Variants in FAM81A observed in about 807,000 individuals in gnomAD.
The protein encoded by FAM81A is family with sequence similarity 81 member A, also known as protein FAM81A.
A neutral mutation model predicts 46.7 loss-of-function variants in FAM81A; 19 were observed. The observed-to-expected ratio is 0.41, with a 90% confidence interval of 0.28 to 0.60. The LOEUF (loss-of-function observed/expected upper bound fraction) is 0.60, where lower values mean the gene tolerates loss of function less well. Among genes scored for constraint, FAM81A ranks in the 20% least tolerant of loss-of-function variants. FAM81A has a pLI of 0.34. For missense variants in FAM81A, 377 were observed against 453.5 expected (o/e 0.83, Z 1.53); for synonymous variants, 183 against 152.9 (o/e 1.20, Z -1.45).
chr15:59,476,452 A>G (rs2081769603), intron 3 of FAM81A, among the ~76,000 whole-genome samples: 1 of 152,196 alleles, frequency 6.6e-6, no homozygotes, highest in Non-Finnish European at 1.5e-5. Flanking sequence ...TAAATTTAAA[A>G]AGTACTAAAA....
At chr15:59,431,780 A>G (rs545038906) in intron 2 of FAM81A, among the ~76,000 whole-genome samples, 6 of 152,240 alleles carry the variant, frequency 3.9e-5, no homozygotes, top group Non-Finnish European at 8.8e-5. Context: ...TAAGGGGAGA[A>G]AGAAAATGTC....
intron 1 of FAM81A, among the ~76,000 whole-genome samples, chr15:59,453,523 C>A (rs8025789): frequency 0.82 from 124,719 of 152,098 alleles, 51,396 homozygotes; most frequent in African/African-American, 0.9. Context: ...GATCATACAG[C>A]TAGTGGGGAA....
chr15:59,437,068 G>A (rs1288207443), upstream of FAM81A, among the ~76,000 whole-genome samples: 1 of 152,166 alleles, frequency 6.6e-6, no homozygotes, highest in East Asian at 1.9e-4. Context: ...TTATTAGCCC[G>A]TTTTACTGGT....
chr15:59,466,420 T>C (rs1290198653), intron 3 of FAM81A, among the ~76,000 whole-genome samples: 1 of 152,250 alleles, frequency 6.6e-6, no homozygotes, highest in Non-Finnish European at 1.5e-5. Context: ...AGATGGTATC[T>C]CTTTGCGGTT....
At chr15:59,507,479 CT>C in intron 5 of FAM81A, 137 bp downstream of exon 5, 1 of 1,226,900 alleles carries the variant, frequency 8.2e-7, no homozygotes. Context: ...AGCATCTTTT[CT>C]TTGATTCTTC....
At chr15:59,462,436 C>T (rs192956524) in intron 3 of FAM81A, among the ~76,000 whole-genome samples, 104 of 152,100 alleles carry the variant, frequency 6.8e-4, no homozygotes, top group African/African-American at 2.3e-3. Flanking sequence ...GCTTATTGAT[C>T]ATTTGTATGT....
At chr15:59,420,406 A>T (rs550186132) in intron 2 of FAM81A, among the ~76,000 whole-genome samples, 2 of 152,230 alleles carry the variant, frequency 1.3e-5, no homozygotes, top group Non-Finnish European at 2.9e-5. Flanking sequence ...GTCTAACAAA[A>T]TTAAACAACC....
intron 3 of FAM81A, among the ~76,000 whole-genome samples, chr15:59,490,325 G>A (rs543301653): frequency 1.1e-4 from 16 of 152,162 alleles, no homozygotes; most frequent in Admixed American, 6.5e-4. Flanking sequence ...GAGGGAGAAC[G>A]TAGTTGCAAA....
intron 1 of FAM81A, among the ~76,000 whole-genome samples, chr15:59,445,731 A>G (rs1289871319): frequency 6.6e-6 from 1 of 152,214 alleles, no homozygotes; most frequent in East Asian, 1.9e-4. Context: ...AGCACACAGA[A>G]TCGTGCTTTC....
At position 59,521,370 on chromosome 15, in the gene FAM81A, C is replaced by T. The variant is rs769614965; in HGVS notation, c.1099C>T (p.Pro367Ser). The change falls in exon 9 of 9, where the codon CCC becomes TCC. Residue 367 changes from proline to serine, a missense_variant. Pro to Ser is a moderately conservative substitution (Grantham distance 74). Coordinates refer to ENST00000288228, the MANE Select transcript of FAM81A (RefSeq NM_152450.3). ...CCAGCTGATGCAGAAGCCAGAGACCCCCATGTGAAGGGAGCTGGGACAAGG... is the reference window on the plus strand; with the variant it reads ...CCAGCTGATGCAGAAGCCAGAGACCTCCATGTGAAGGGAGCTGGGACAAGG... ...QIQLMQKPET[P>S]M The T allele has an allele frequency of 1.7e-5, 27 of 1,609,518 alleles. No homozygotes were observed. The highest frequency in any genetic ancestry group is 2.3e-5 in the Non-Finnish European group (27 of 1,177,736).
intron 2 of FAM81A, among the ~76,000 whole-genome samples, chr15:59,410,394 G>A (rs986192551): frequency 2.4e-4 from 36 of 152,230 alleles, no homozygotes; most frequent in African/African-American, 8.7e-4. Context: ...AGGTTACAGA[G>A]TTAGTAGAGC....
At chr15:59,447,692 T>C (rs1345596070) in intron 1 of FAM81A, among the ~76,000 whole-genome samples, 2 of 152,202 alleles carry the variant, frequency 1.3e-5, no homozygotes, top group Non-Finnish European at 2.9e-5. Context: ...TTCCTCCTTC[T>C]TTTACCAAAG....
intron 6 of FAM81A, among the ~76,000 whole-genome samples, chr15:59,511,372 T>A (rs532146877): frequency 1.3e-5 from 2 of 152,350 alleles, no homozygotes; most frequent in East Asian, 3.9e-4. Flanking sequence ...TAAATGTGTG[T>A]ATTAAAATTT....
intron 3 of FAM81A, among the ~76,000 whole-genome samples, chr15:59,481,864 G>A (rs1342108239): frequency 1.3e-5 from 2 of 151,668 alleles, no homozygotes; most frequent in African/African-American, 4.8e-5. Context: ...GCAAGCAGAA[G>A]ATGCTGAAAC....
intron 1 of FAM81A, among the ~76,000 whole-genome samples, chr15:59,449,254 T>A (rs2081386987): frequency 6.6e-6 from 1 of 152,178 alleles, no homozygotes; most frequent in East Asian, 1.9e-4. Flanking sequence ...GTTTACATAT[T>A]TTTTTTAAGT....
At chr15:59,421,984 G>C (rs1223064593) in intron 2 of FAM81A, among the ~76,000 whole-genome samples, 2 of 152,042 alleles carry the variant, frequency 1.3e-5, no homozygotes, top group African/African-American at 4.8e-5. Context: ...GGAAAAGAAA[G>C]TTCATATGGC....
At chr15:59,491,304 A>G (rs1470317366) in intron 3 of FAM81A, among the ~76,000 whole-genome samples, 2 of 152,194 alleles carry the variant, frequency 1.3e-5, no homozygotes, top group African/African-American at 4.8e-5. Context: ...GTGAAATGAA[A>G]TAAGCCAGGC....
chr15:59,509,058 T>A, intron 6 of FAM81A, 89 bp downstream of exon 6: 1 of 989,362 alleles, frequency 1.0e-6, no homozygotes, highest in Non-Finnish European at 1.5e-6. Flanking sequence ...GGTTTTTATT[T>A]ATTGCACAAA....
chr15:59,408,754 G>C (rs1210704177), intron 2 of FAM81A, among the ~76,000 whole-genome samples: 1 of 152,180 alleles, frequency 6.6e-6, no homozygotes, highest in Non-Finnish European at 1.5e-5. Context: ...TCTTGAACCT[G>C]AGAGGCGGAG....
Sources: gnomAD v4.1 joint callset for allele counts (sites outside exome capture counted in the v4.1 genomes callset) on GRCh38, gnomAD v4.1.1 for gene constraint, MANE v1.5 for transcripts, NCBI Gene and HGNC (gene_info 2026-07-23, HGNC 2026-07-21) for gene names.